Variants in EVC2 observed in about 807,000 individuals in gnomAD.
EVC2 encodes limbin.
EVC2 carries 148 observed loss-of-function variants against 149.3 expected under a neutral mutation model. The ratio of observed to expected loss-of-function variants is 0.99; its 90% CI spans 0.87 to 1.14. EVC2 has a LOEUF of 1.14. Among genes scored for constraint, EVC2 ranks in the 50% most tolerant of loss-of-function variants. The probability of loss-of-function intolerance (pLI) is 0.00; values close to 1 mark genes in which losing one functional copy is unlikely to be tolerated. For synonymous variants in EVC2, 776 were observed against 649.9 expected (o/e 1.19, Z -2.95); for missense variants, 1,854 against 1,627.3 (o/e 1.14, Z -2.40).
In EVC2 at chr4:5,708,485, G is replaced by A. The variant is rs767618685; in HGVS notation, c.29C>T (p.Pro10Leu). The change falls in exon 1 of 22, where the codon CCC becomes CTC. Residue 10 changes from proline to leucine, a missense_variant. Physicochemically the swap from Pro to Leu is moderately conservative, Grantham distance 98. Transcript: ENST00000344408. MDPSGSRGR[P>L]TWVLAGGLLA... ...GAGACCCCCGGCCAGCACCCACGTG[G>A]GGCGCCCCCGGGAGCCCGAGGGGTC... 1.3e-6 allele frequency: 2 copies of A among 1,483,916 alleles called. No homozygotes were observed. Among genetic ancestry groups the A allele is most frequent in the African/African-American group, 2.9e-5 (2 of 68,252 alleles). 91.9% of individuals were successfully genotyped at this position (1,483,916 alleles called of 1,614,324 possible). A position where few individuals can be genotyped will look rare whatever the true frequency, so the allele number is the denominator to read the frequency against.
chr4:5,546,957 G>A (rs1251125214), intron 21 of EVC2, among the ~76,000 whole-genome samples: 7 of 152,202 alleles, frequency 4.6e-5, no homozygotes, highest in Non-Finnish European at 8.8e-5. Flanking sequence ...TTGTGACTGT[G>A]GAACCAGGCC....
intron 16 of EVC2, among the ~76,000 whole-genome samples, chr4:5,609,296 G>A (rs1392854379): frequency 6.6e-6 from 1 of 152,150 alleles, no homozygotes; most frequent in South Asian, 2.1e-4. Flanking sequence ...ACTCTTAGTT[G>A]TGGGCATTCA....
At chr4:5,619,060 G>A (rs1045357764) in intron 14 of EVC2, among the ~76,000 whole-genome samples, 2 of 152,152 alleles carry the variant, frequency 1.3e-5, no homozygotes, top group African/African-American at 4.8e-5. Context: ...AATGGACAGA[G>A]GAGAGACACA....
intron 16 of EVC2, among the ~76,000 whole-genome samples, chr4:5,612,509 C>A (rs556020006): frequency 5.3e-5 from 8 of 152,056 alleles, no homozygotes; most frequent in Admixed American, 1.3e-4. Flanking sequence ...TTGCTCCCTG[C>A]TGCAAGGAGA....
chr4:5,702,788 G>C (rs1369943191), intron 1 of EVC2, among the ~76,000 whole-genome samples: 2 of 152,186 alleles, frequency 1.3e-5, no homozygotes, highest in African/African-American at 4.8e-5. Flanking sequence ...GACACCGACA[G>C]CAAGTGCTTT....
intron 21 of EVC2, among the ~76,000 whole-genome samples, chr4:5,552,999 G>A (rs1358490937): frequency 6.6e-6 from 1 of 152,190 alleles, no homozygotes; most frequent in South Asian, 2.1e-4. Flanking sequence ...TGATAGATCA[G>A]CTAGAGTCCT....
In EVC2 at chr4:5,631,782, T is replaced by A; in HGVS notation, c.1710+11A>T. ...AATTACTTTTCCATCACAGCGAGGC[T>A]GATGTATTACCTGTATTTTAGAATA... On this transcript the variant is annotated intron_variant, in intron 11 of 21. Transcript: ENST00000344408. 6.2e-7 allele frequency: 1 copy of A among 1,613,504 alleles called. No individual in the cohort carries two copies. Among genetic ancestry groups the A allele is most frequent in the Non-Finnish European group, 8.5e-7 (1 of 1,179,448 alleles).
At chr4:5,653,464 T>C (rs749354549) in intron 9 of EVC2, among the ~76,000 whole-genome samples, 1 of 152,246 alleles carries the variant, frequency 6.6e-6, no homozygotes, top group Non-Finnish European at 1.5e-5. Context: ...TCTAAGATTC[T>C]GTTTTCCTGG....
In EVC2 at chr4:5,622,946, G is replaced by C; in HGVS notation, c.2092C>G (p.Arg698Gly). The part of the protein sequence containing the change: ...REQASVGEAF[R>G]TVEDAGQYLH... ...TACTGGCCGGCATCCTCAACCGTTC[G>C]GAAGGCCTCGCCGACGGACGCCTGC... is the stretch of plus-strand genomic sequence containing the variant. Residue 698 changes from arginine (R) to glycine (G), a missense_variant, in exon 14 of 22, where the codon CGA becomes GGA. Physicochemically the swap from Arg to Gly is moderately radical, Grantham distance 125 (BLOSUM62 -2). Coordinates refer to ENST00000344408, the MANE Select transcript of EVC2 (RefSeq NM_147127.5). The surrounding 1 kb of genome is among the most constrained non-coding windows in gnomAD (Gnocchi z 5.8). 1.9e-6 allele frequency: 3 copies of C among 1,614,072 alleles called. No homozygotes were observed. The South Asian group carries it at 3.3e-5, about 18-fold the overall frequency.
intron 21 of EVC2, among the ~76,000 whole-genome samples, chr4:5,555,207 A>G (rs1237321592): frequency 6.6e-6 from 1 of 152,146 alleles, no homozygotes; most frequent in Non-Finnish European, 1.5e-5. Context: ...GAAAATGATT[A>G]ATCAAAACCA....
downstream of EVC2, among the ~76,000 whole-genome samples, chr4:5,558,043 A>AT (rs1721870206): frequency 6.6e-6 from 1 of 152,176 alleles, no homozygotes; most frequent in South Asian, 2.1e-4. Flanking sequence ...CTAGCAAGTT[A>AT]TTTTTCAGAT....
Position 5,618,594 on chromosome 4 carries a change from T to C in EVC2, c.2590A>G (p.Arg864Gly), listed in dbSNP as rs756413541. The C allele has an allele frequency of 1.9e-6, 3 of 1,613,940 alleles. No homozygotes were observed. The highest frequency in any genetic ancestry group is 2.2e-5 in the East Asian group (1 of 44,886). ...EVHGCFAQMD[R>G]SLALPKIRAR... ...CGGATCTTGGGGAGGGCCAAGCTCC[T>C]GTCCATCTGAGCAAAGCAGCCATGG... The change falls in exon 15 of 22, where the codon AGG becomes GGG. Residue 864 changes from arginine (R) to glycine (G), a missense_variant. Transcript: ENST00000344408. The surrounding 1 kb of genome is among the most constrained non-coding windows in gnomAD (Gnocchi z 4.4).
the EVC2 span, among the ~76,000 whole-genome samples, chr4:5,532,980 C>T: frequency 4.6e-5 from 7 of 150,972 alleles, no homozygotes; most frequent in Middle Eastern, 3.2e-3. Context: ...ATAAAGGAAC[C>T]GAACCTTATT....
At chr4:5,577,917 G>A (rs1723030932) in intron 17 of EVC2, among the ~76,000 whole-genome samples, 1 of 152,122 alleles carries the variant, frequency 6.6e-6, no homozygotes, top group African/African-American at 2.4e-5. Context: ...CGTCTACCCA[G>A]ATGCCAGCCC....
Position 5,640,109 on chromosome 4 carries a change from T to C in EVC2, c.1470+405A>G, listed in dbSNP as rs1016177801. On this transcript the variant is annotated intron_variant, in intron 10 of 21. Coordinates refer to ENST00000344408, the MANE Select transcript of EVC2 (RefSeq NM_147127.5). The surrounding 1 kb of genome is among the most constrained non-coding windows in gnomAD (Gnocchi z 4.6). ...ATGGATGAGTGGATGGGTAGAAGGC[T>C]AGATGGGGAATAAGTGGATGGGTAA... Among the ~76,000 whole-genome samples the C allele has an allele frequency of 4.0e-5, 6 of 151,828 alleles. No homozygotes were observed. Among genetic ancestry groups the C allele is most frequent in the Non-Finnish European group, 7.4e-5 (5 of 67,962 alleles).
chr4:5,691,494 G>T (rs1721117776), intron 3 of EVC2, among the ~76,000 whole-genome samples, 161 bp from the exon 4 acceptor site: 1 of 152,150 alleles, frequency 6.6e-6, no homozygotes, highest in African/African-American at 2.4e-5. Flanking sequence ...AGCATTAAAG[G>T]ATTAGAAATT....
chr4:5,701,969 G>C (rs1577275354), intron 1 of EVC2, among the ~76,000 whole-genome samples: 1 of 151,986 alleles, frequency 6.6e-6, no homozygotes, highest in South Asian at 2.1e-4. Flanking sequence ...TAGCCCCCTG[G>C]CCTCCCGCCT....
chr4:5,624,512 T>C (rs1301470750), intron 13 of EVC2, among the ~76,000 whole-genome samples: 1 of 152,220 alleles, frequency 6.6e-6, no homozygotes, highest in Non-Finnish European at 1.5e-5. Context: ...ACGTAAGTTT[T>C]TGCCTTCGTG....
chr4:5,681,117 G>A (rs751111061), intron 7 of EVC2, 143 bp downstream of exon 7: 12 of 926,326 alleles, frequency 1.3e-5, no homozygotes, highest in Non-Finnish European at 2.1e-5. Flanking sequence ...GGGGACCCGA[G>A]AGACTGCACA....
Sources: allele counts gnomAD v4.1 joint callset (sites outside exome capture counted in the v4.1 genomes callset), GRCh38; gene constraint gnomAD v4.1.1; non-coding constraint Gnocchi (gnomAD v3.1); transcripts MANE v1.5; gene names NCBI Gene and HGNC (gene_info 2026-07-23, HGNC 2026-07-21).